The following FAM53C variants were observed in gnomAD, a reference collection of about 807,000 sequenced individuals.
FAM53C encodes protein FAM53C.
Under a neutral mutation model 34.7 loss-of-function variants are expected in FAM53C, and 10 were observed. The ratio of observed to expected loss-of-function variants is 0.29; its 90% CI spans 0.18 to 0.49. FAM53C has a LOEUF of 0.49. Among genes scored for constraint, FAM53C ranks in the 20% least tolerant of loss-of-function variants. FAM53C has a pLI of 0.99. For synonymous variants in FAM53C, 203 were observed against 203.6 expected (o/e 1.00, Z 0.03); for missense variants, 442 against 515.3 (o/e 0.86, Z 1.38).
At position 138,341,215 on chromosome 5, in the gene FAM53C, CAATGGTGCTAG is replaced by C; in HGVS notation, c.-111_-101del. 1 of 846,270 alleles carries C rather than the reference CAATGGTGCTAG, an allele frequency of 1.2e-6. No individual in the cohort carries two copies. Among genetic ancestry groups the C allele is most frequent in the East Asian group, 2.4e-5 (1 of 40,904 alleles). 52.4% of individuals were successfully genotyped at this position (846,270 alleles called of 1,614,324 possible). On this transcript the variant is annotated 5_prime_UTR_variant, in exon 2 of 5. It removes an upstream start codon present in the reference 5' UTR. Coordinates refer to ENST00000239906, the MANE Select transcript of FAM53C (RefSeq NM_016605.3). ...CAGGCATGACTGGAGAGGGAAGTCC[CAATGGTGCTAG>C]AATGGTGCTGCAGTGGCAGAAGACG...
chr5:138,338,570 C>T (rs528957174), intron 1 of FAM53C, among the ~76,000 whole-genome samples: 1 of 148,434 alleles, frequency 6.7e-6, no homozygotes, highest in African/African-American at 2.5e-5. Context: ...CGACAGCCCC[C>T]CTGAGCGAGC....
chr5:138,339,483 C>T (rs558090477), intron 1 of FAM53C, among the ~76,000 whole-genome samples: 2 of 152,268 alleles, frequency 1.3e-5, no homozygotes, highest in African/African-American at 4.8e-5. Context: ...TTGACTTGAT[C>T]CTAGAGGTGG....
upstream of FAM53C, chr5:138,337,930 AGGGC>A (rs1374774937): frequency 7.8e-7 from 1 of 1,279,398 alleles, no homozygotes; most frequent in Non-Finnish European, 1.0e-6. Flanking sequence ...GGAGGGAGGG[AGGGC>A]AGGGGCGATG....
intron 3 of FAM53C, among the ~76,000 whole-genome samples, chr5:138,344,220 T>C (rs895748546): frequency 2.0e-5 from 3 of 152,184 alleles, no homozygotes; most frequent in Non-Finnish European, 2.9e-5. Context: ...AAGTCAGGGT[T>C]TCCCAAGCCC....
Position 138,345,868 on chromosome 5 carries a change from A to G in FAM53C, c.921+259A>G, listed in dbSNP as rs908985086. 2.0e-5 allele frequency among the ~76,000 whole-genome samples: 3 copies of G among 152,196 alleles called. No individual in the cohort carries two copies. Among genetic ancestry groups the G allele is most frequent in the Admixed American group, 1.3e-4 (2 of 15,278 alleles). On this transcript the variant is annotated intron_variant, in intron 4 of 4. Transcript: ENST00000239906. The surrounding 1 kb of genome is among the most constrained non-coding windows in gnomAD (Gnocchi z 6.3). ...GGTGAGACCCATGTTAAACCTTCCA[A>G]CAGAGATCCCAAATTGTCCTGCAAG...
chr5:138,338,375 CCT>C (rs1369316733), intron 1 of FAM53C, 68 bp downstream of exon 1: 1 of 388,522 alleles, frequency 2.6e-6, no homozygotes, highest in East Asian at 8.2e-5. Flanking sequence ...TCCCTCCTTC[CCT>C]CTTTCCCCTC....
chr5:138,347,070 G>T lies in FAM53C; in HGVS notation c.*111G>T. The T allele has an allele frequency of 1.4e-6, 2 of 1,437,786 alleles. No homozygotes were observed. Among genetic ancestry groups the T allele is most frequent in the South Asian group, 1.3e-5 (1 of 79,260 alleles). The allele number at this position is 1,437,786 out of a possible 1,614,324, so 89.1% of individuals were successfully genotyped here. On this transcript the variant is annotated 3_prime_UTR_variant, in exon 5 of 5. Coordinates refer to ENST00000239906, the MANE Select transcript of FAM53C (RefSeq NM_016605.3). The stretch of plus-strand genomic sequence containing the variant: ...GCCTGGGAATGGGGGTGAGTGGAGG[G>T]CTCCGACTCAGGGCAGCTGGAAATC...
chr5:138,339,182 C>T (rs1412509971), intron 1 of FAM53C, among the ~76,000 whole-genome samples: 2 of 152,318 alleles, frequency 1.3e-5, no homozygotes, highest in East Asian at 3.9e-4. Context: ...TGTCTCTACC[C>T]TTCAGATACA....
At chr5:138,342,624 G>A (rs1761063842) in intron 3 of FAM53C, 1 of 152,298 alleles carries the variant, frequency 6.6e-6, no homozygotes, top group African/African-American at 2.4e-5. Context: ...CTACTCGGGA[G>A]GCTGAGGCAG....
chr5:138,339,553 C>T (rs1760963311), intron 1 of FAM53C, among the ~76,000 whole-genome samples: 1 of 152,214 alleles, frequency 6.6e-6, no homozygotes, highest in Non-Finnish European at 1.5e-5. Context: ...GCTTCATTCC[C>T]TGCTCCTCAT....
chr5:138,346,142 A>C (rs1388097592), intron 4 of FAM53C, among the ~76,000 whole-genome samples: 1 of 152,192 alleles, frequency 6.6e-6, no homozygotes, highest in African/African-American at 2.4e-5. Context: ...TTTCTAGACC[A>C]CTAGGTTACA....
intron 2 of FAM53C, 89 bp from the exon 3 acceptor site, chr5:138,341,720 G>A: frequency 2.6e-6 from 3 of 1,170,082 alleles, no homozygotes; most frequent in Non-Finnish European, 3.9e-6. Flanking sequence ...TGTAGCTCAT[G>A]AATCGCAGAG....
rs752513283 is a variant in FAM53C at position 138,346,682 on chromosome 5, CTTCT to C, written c.922-17_922-14del. ...AATTCTTGCCTTCAGGTGTAACTGT[CTTCT>C]TTGTTTGTTTGACAGAAACCATACT... On this transcript the variant is annotated splice_polypyrimidine_tract_variant and intron_variant, in intron 4 of 4. Coordinates refer to ENST00000239906, the MANE Select transcript of FAM53C (RefSeq NM_016605.3). The C allele has an allele frequency of 4.3e-6, 7 of 1,613,770 alleles. No homozygotes were observed. Among genetic ancestry groups the C allele is most frequent in the Non-Finnish European group, 8.5e-7 (1 of 1,179,912 alleles).
At chr5:138,344,386 C>T (rs1439035286) in intron 3 of FAM53C, among the ~76,000 whole-genome samples, 2 of 152,256 alleles carry the variant, frequency 1.3e-5, no homozygotes, top group African/African-American at 4.8e-5. Flanking sequence ...GAAAGAAGAG[C>T]ATAGGCCTGC....
At chr5:138,337,735 C>A, upstream of FAM53C, 1 of 344,384 alleles carries the variant, frequency 2.9e-6, no homozygotes. Context: ...TCCGAGCAGG[C>A]CCTAATCCGC....
At chr5:138,338,378 C>A in intron 1 of FAM53C, 71 bp downstream of exon 1, 1 of 386,416 alleles carries the variant, frequency 2.6e-6, no homozygotes, top group Non-Finnish European at 5.1e-6. Context: ...CTCCTTCCCT[C>A]TTTCCCCTCC....
In FAM53C at chr5:138,344,817, C is replaced by A; in HGVS notation, c.137-8C>A. ...ATTAATATTATTCTTATTATAAATG[C>A]CTTCCAGAAGGTGCTTCCTGGAGGG... On this transcript the variant is annotated splice_region_variant and splice_polypyrimidine_tract_variant and intron_variant, in intron 3 of 4. Transcript: ENST00000239906. The A allele has an allele frequency of 6.6e-7, 1 of 1,523,484 alleles. No individual in the cohort carries two copies. The allele number at this position is 1,523,484 out of a possible 1,614,324, so 94.4% of individuals were successfully genotyped here. A position where few individuals can be genotyped will look rare whatever the true frequency, so the allele number is the denominator to read the frequency against.
chr5:138,338,155 T>C, upstream of FAM53C: 1 of 1,289,594 alleles, frequency 7.8e-7, no homozygotes, highest in Non-Finnish European at 1.0e-6. Flanking sequence ...GCGCCCTCCA[T>C]GGGTGGCTTG....
chr5:138,337,906 G>C (rs1475053650), upstream of FAM53C: 1 of 1,236,416 alleles, frequency 8.1e-7, no homozygotes, highest in Non-Finnish European at 1.1e-6. Flanking sequence ...GTGGGAGGCT[G>C]CAGTTGGGCC....
Sources: gnomAD v4.1 joint callset for allele counts (sites outside exome capture counted in the v4.1 genomes callset) on GRCh38, gnomAD v4.1.1 for gene constraint, Gnocchi (gnomAD v3.1) non-coding constraint, MANE v1.5 for transcripts, NCBI Gene and HGNC (gene_info 2026-07-23, HGNC 2026-07-21) for gene names.